Variants in EMSY observed in about 807,000 individuals in gnomAD.
EMSY encodes BRCA2-interacting transcriptional repressor EMSY.
A neutral mutation model predicts 134.6 loss-of-function variants in EMSY; 26 were observed. The observed-to-expected ratio is 0.19, with a 90% CI of 0.14 to 0.27. The LOEUF (loss-of-function observed/expected upper bound fraction) is 0.27. EMSY is among the 10% of genes least tolerant of loss of function. The probability of loss-of-function intolerance (pLI) is 1.00; values close to 1 mark genes in which losing one functional copy is unlikely to be tolerated. For synonymous variants in EMSY, 579 were observed against 577.8 expected, an observed-to-expected ratio of 1.00 and a Z score of -0.03; for missense variants, 1,305 against 1,611.4, an observed-to-expected ratio of 0.81 and a Z score of 3.26.
At chr11:76,487,494 G>A (rs141980865) in intron 8 of EMSY, among the ~76,000 whole-genome samples, 11 of 152,320 alleles carry the variant, frequency 7.2e-5, no homozygotes, top group South Asian at 2.1e-4. Context: ...GGTATCAGTA[G>A]TAGGTAATAT....
intron 18 of EMSY, 68 bp downstream of exon 19, chr11:76,542,435 C>A: frequency 6.5e-7 from 1 of 1,539,078 alleles, no homozygotes; most frequent in Non-Finnish European, 9.0e-7. Flanking sequence ...TCAGTGTCAT[C>A]TTGTATTTTA....
chr11:76,518,777 T>C (rs1348789026), intron 11 of EMSY, among the ~76,000 whole-genome samples: 1 of 148,962 alleles, frequency 6.7e-6, no homozygotes, highest in East Asian at 1.9e-4. Flanking sequence ...TTTCCCATGC[T>C]AGTAAATGTA....
chr11:76,536,498 T>G (rs1951229154), intron 15 of EMSY, among the ~76,000 whole-genome samples: 1 of 152,220 alleles, frequency 6.6e-6, no homozygotes, highest in Non-Finnish European at 1.5e-5. Flanking sequence ...CAAAACACCT[T>G]TAGTGGCCCT....
chr11:76,501,326 C>A (rs1341881090), intron 9 of EMSY, among the ~76,000 whole-genome samples: 1 of 151,942 alleles, frequency 6.6e-6, no homozygotes, highest in Non-Finnish European at 1.5e-5. Context: ...AACAAACAAA[C>A]AACAGAAACT....
intron 20 of EMSY, among the ~76,000 whole-genome samples, chr11:76,548,412 G>C (rs1055266973): frequency 7.2e-5 from 11 of 152,188 alleles, no homozygotes; most frequent in African/African-American, 2.7e-4. Flanking sequence ...CCACATGTAT[G>C]TTTAACTACT....
intron 9 of EMSY, among the ~76,000 whole-genome samples, chr11:76,512,178 T>C (rs1950300832): frequency 6.6e-6 from 1 of 152,204 alleles, no homozygotes; most frequent in Non-Finnish European, 1.5e-5. Context: ...GGAAAGAGTG[T>C]TACCAAAAAT....
intron 8 of EMSY, among the ~76,000 whole-genome samples, chr11:76,494,896 C>T (rs1299494452): frequency 3.3e-5 from 5 of 152,096 alleles, no homozygotes; most frequent in South Asian, 2.1e-4. Context: ...CCACCGTGCC[C>T]GGCTAATTTT....
intron 8 of EMSY, among the ~76,000 whole-genome samples, chr11:76,493,765 C>G (rs1215024115): frequency 6.6e-6 from 1 of 152,214 alleles, no homozygotes; most frequent in East Asian, 1.9e-4. Flanking sequence ...CCTTGCTTAC[C>G]ATCCAGTTGT....
At chr11:76,452,914 A>ATCT (rs1947726674) in intron 3 of EMSY, among the ~76,000 whole-genome samples, 1 of 152,186 alleles carries the variant, frequency 6.6e-6, no homozygotes, top group East Asian at 1.9e-4. Context: ...AGACCTTAGA[A>ATCT]AACTTTCTTG....
intron 17 of EMSY, among the ~76,000 whole-genome samples, chr11:76,540,076 C>T (rs1418238742): frequency 1.3e-5 from 2 of 152,018 alleles, no homozygotes; most frequent in Admixed American, 6.5e-5. Flanking sequence ...GGAGAATTAC[C>T]GTGAAGTAAT....
intron 3 of EMSY, among the ~76,000 whole-genome samples, chr11:76,452,628 T>C (rs1947714377): frequency 6.6e-6 from 1 of 152,220 alleles, no homozygotes; most frequent in African/African-American, 2.4e-5. Flanking sequence ...ATTCATTTTA[T>C]TGAGTATTTA....
intron 8 of EMSY, among the ~76,000 whole-genome samples, chr11:76,494,647 TTCCCTTCCTTCCTTCCTTCCTTCC>T (rs1275531468): frequency 1.5e-5 from 2 of 135,292 alleles, no homozygotes; most frequent in African/African-American, 5.6e-5. Flanking sequence ...CTCCTTTCCT[TTCCCTTCCTTCCTTCCTTCCTTCC>T]TTCCTTCCTT....
intron 9 of EMSY, among the ~76,000 whole-genome samples, chr11:76,501,567 G>A (rs1949858293): frequency 1.3e-5 from 2 of 152,044 alleles, no homozygotes; most frequent in Non-Finnish European, 2.9e-5. Context: ...CACGAGAGGG[G>A]TTCACGTGTA....
intron 8 of EMSY, among the ~76,000 whole-genome samples, chr11:76,484,628 C>T (rs138861055): frequency 5.6e-4 from 85 of 152,200 alleles, no homozygotes; most frequent in East Asian, 1.7e-3. Context: ...AACACCTCTA[C>T]GCAAATAAAC....
exon 20 of EMSY, chr11:76,546,119 A>G: frequency 1.1e-5 from 18 of 1,614,164 alleles, no homozygotes; most frequent in Non-Finnish European, 1.5e-5. Context: ...GGGATGGCGA[A>G]TTCCACTCCC....
At position 76,463,870 on chromosome 11, in the gene EMSY, A is replaced by G. The variant is rs151270910; in HGVS notation, c.621A>G (p.Thr207=). ...AAAAACCCAGAAAACGAAGGCGAAC[A>G]AACTCTTCCAGCTCCTCTCCTGTTG... Residue 207 remains threonine, a synonymous_variant, in exon 7 of 21, where the codon ACA becomes ACG. Coordinates refer to ENST00000334736, the Ensembl canonical transcript of EMSY. The G allele has an allele frequency of 3.7e-6, 6 of 1,614,112 alleles. No homozygotes were observed. The African/African-American group carries it at 6.7e-5, about 18-fold the overall frequency.
At chr11:76,524,059 A>C (rs1950756374) in intron 12 of EMSY, among the ~76,000 whole-genome samples, 1 of 152,150 alleles carries the variant, frequency 6.6e-6, no homozygotes, top group East Asian at 1.9e-4. Flanking sequence ...CAAACAAAAA[A>C]TAAATAAATA....
At chr11:76,536,505 C>T (rs560909664) in intron 15 of EMSY, among the ~76,000 whole-genome samples, 4 of 152,274 alleles carry the variant, frequency 2.6e-5, no homozygotes, top group East Asian at 1.9e-4. Flanking sequence ...CCTTTAGTGG[C>T]CCTTGCTAAC....
At chr11:76,467,555 C>T (rs886858831) in intron 7 of EMSY, among the ~76,000 whole-genome samples, 1 of 152,060 alleles carries the variant, frequency 6.6e-6, no homozygotes, top group African/African-American at 2.4e-5. Flanking sequence ...CAATGTATTC[C>T]CTAGTATTTA....
Sources: gnomAD v4.1 joint callset for allele counts (sites outside exome capture counted in the v4.1 genomes callset) on GRCh38, gnomAD v4.1.1 for gene constraint, MANE v1.5 for transcripts, NCBI Gene and HGNC (gene_info 2026-07-23, HGNC 2026-07-21) for gene names.